The following RASGRP1 variants were observed in gnomAD, a reference collection of about 807,000 sequenced individuals.
RASGRP1 encodes the protein RAS guanyl releasing protein 1.
In RASGRP1, 37 loss-of-function variants were observed where a neutral mutation model predicts 95.1. The ratio of observed to expected loss-of-function variants is 0.39; its 90% CI spans 0.30 to 0.51. RASGRP1 has a LOEUF of 0.51. Ranked by LOEUF, RASGRP1 falls within the 20% of genes least tolerant of loss-of-function variation. RASGRP1 has a pLI of 0.80. For missense variants in RASGRP1, 711 were observed against 965.4 expected (o/e 0.74, Z 3.49); for synonymous variants, 325 against 353.4 (o/e 0.92, Z 0.90).
chr15:38,497,335 ACT>A (rs1454134709), intron 15 of RASGRP1, among the ~76,000 whole-genome samples: 7 of 151,022 alleles, frequency 4.6e-5, no homozygotes, highest in Admixed American at 1.3e-4. Context: ...GTCATTTAAG[ACT>A]CTCTAGACTG....
chr15:38,494,584 G>A lies in RASGRP1; in HGVS notation c.2057C>T (p.Pro686Leu). The change falls in exon 16 of 17, where the codon CCT (proline) becomes CTT (leucine). Residue 686 changes from proline to leucine, a missense_variant. This residue lies in a region of RASGRP1 where 212 missense variants were observed against 247.8 expected (regional missense o/e 0.86). Coordinates refer to ENST00000310803, the MANE Select transcript of RASGRP1 (RefSeq NM_005739.4). ...ESQPWIGSEGPSGPFVLSSPR... is the reference protein window; with the variant it reads ...ESQPWIGSEGLSGPFVLSSPR... ...GGAAGACAGCACAAAGGGACCTGAA[G>A]GGCCCTCACTGCCAATCCAAGGCTG... 1 of 1,564,416 alleles carries A rather than the reference G, an allele frequency of 6.4e-7. No homozygotes were observed. Among genetic ancestry groups the A allele is most frequent in the Non-Finnish European group, 8.6e-7 (1 of 1,158,106 alleles).
At chr15:38,494,977 CCT>C (rs1213021144) in intron 15 of RASGRP1, among the ~76,000 whole-genome samples, 4 of 152,164 alleles carry the variant, frequency 2.6e-5, no homozygotes, top group African/African-American at 7.2e-5. Context: ...CTACATCCAC[CCT>C]GAGAAAGAGC....
intron 2 of RASGRP1, among the ~76,000 whole-genome samples, chr15:38,539,456 G>A (rs1892779577): frequency 1.3e-5 from 2 of 151,956 alleles, no homozygotes; most frequent in Admixed American, 1.3e-4. Flanking sequence ...CCCACAGCTA[G>A]GAAGTAGCAA....
chr15:38,541,204 G>T (rs757661644), intron 2 of RASGRP1, among the ~76,000 whole-genome samples: 7 of 152,192 alleles, frequency 4.6e-5, no homozygotes, highest in Non-Finnish European at 8.8e-5. Flanking sequence ...GGTGGGTAGG[G>T]ACTGTATCCA....
intron 7 of RASGRP1, 112 bp from the exon 8 acceptor site, chr15:38,511,832 G>A (rs117875487): frequency 0.01 from 7,335 of 713,850 alleles, 77 homozygotes; most frequent in South Asian, 0.026. Context: ...GCTGGTTAAA[G>A]ACTAGTTACG....
rs1052547730 is a variant in RASGRP1 at position 38,517,183 on chromosome 15, A to G, written c.522-833T>C. Among the ~76,000 whole-genome samples, 85 of 152,186 alleles carry G rather than the reference A, an allele frequency of 5.6e-4. 1 individual carries two copies. Among genetic ancestry groups the G allele is most frequent in the Non-Finnish European group, 9.8e-4 (67 of 68,036 alleles). On this transcript the variant is annotated intron_variant, in intron 5 of 16. Coordinates refer to ENST00000310803, the MANE Select transcript of RASGRP1 (RefSeq NM_005739.4). ...TATTACACACTCTGAAAAGCACTGC[A>G]AAAGGAAAGTTTAACTCATTATTCC...
At chr15:38,538,882 G>T (rs1892759628) in intron 2 of RASGRP1, among the ~76,000 whole-genome samples, 1 of 152,180 alleles carries the variant, frequency 6.6e-6, no homozygotes, top group Admixed American at 6.5e-5. Context: ...TGGTTAACTT[G>T]TGGGTCCCAA....
chr15:38,557,750 T>C (rs1234004677), intron 2 of RASGRP1, among the ~76,000 whole-genome samples: 2 of 152,092 alleles, frequency 1.3e-5, no homozygotes, highest in Non-Finnish European at 2.9e-5. Flanking sequence ...TCAGATACAA[T>C]TAAGGGCTTA....
chr15:38,515,569 C>G (rs926541401), intron 6 of RASGRP1, among the ~76,000 whole-genome samples: 1 of 152,132 alleles, frequency 6.6e-6, no homozygotes, highest in Non-Finnish European at 1.5e-5. Context: ...CTCCCTTTGA[C>G]TCTGCTTAGT....
In RASGRP1 at chr15:38,498,893, T is replaced by TA; in HGVS notation, c.1773dup (p.Lys592Ter). The stretch of plus-strand genomic sequence containing the variant: ...GCTACTGGGTTCTTGGCTCGCTTCT[T>TA]ACACTCAAACACAACCAGATCTTTG... On this transcript the variant is annotated frameshift_variant, in exon 15 of 17. Coordinates refer to ENST00000310803, the MANE Select transcript of RASGRP1 (RefSeq NM_005739.4). LOFTEE classifies it high-confidence loss of function. 6.2e-7 allele frequency: 1 copy of TA among 1,613,996 alleles called. No homozygotes were observed. The highest frequency in any genetic ancestry group is 8.5e-7 in the Non-Finnish European group (1 of 1,179,876).
chr15:38,536,663 AC>A (rs1892659450), intron 2 of RASGRP1, among the ~76,000 whole-genome samples: 1 of 152,192 alleles, frequency 6.6e-6, no homozygotes, highest in Admixed American at 6.5e-5. Flanking sequence ...ATAATAGATA[AC>A]CTCATTCCAG....
intron 2 of RASGRP1, 133 bp from the exon 3 acceptor site, chr15:38,526,537 AG>A: frequency 3.2e-6 from 2 of 615,958 alleles, no homozygotes; most frequent in Middle Eastern, 4.0e-4. Context: ...CCCCTAGCAC[AG>A]CCCCCCTCTG....
At position 38,502,423 on chromosome 15, in the gene RASGRP1, T is replaced by C; in HGVS notation, c.1429-2A>G. On this transcript the variant is annotated splice_acceptor_variant, in intron 11 of 16. Transcript: ENST00000310803. LOFTEE classifies it high-confidence loss of function. ...GTGATCATAGTTCTTGAAGACAGAC[T>C]GTGAAAAAGGAGTTTTTTTGGTGAT... 1 of 1,565,928 alleles carries C rather than the reference T, an allele frequency of 6.4e-7. No homozygotes were observed. Among genetic ancestry groups the C allele is most frequent in the Non-Finnish European group, 8.8e-7 (1 of 1,138,078 alleles).
chr15:38,508,062 A>G (rs910135746), intron 8 of RASGRP1, 61 bp from the exon 9 acceptor site: 69 of 1,510,442 alleles, frequency 4.6e-5, no homozygotes, highest in Admixed American at 1.2e-4. Flanking sequence ...GTCTGTAATG[A>G]GGACCTTGCA....
At chr15:38,532,081 C>G in intron 2 of RASGRP1, among the ~76,000 whole-genome samples, 1 of 152,186 alleles carries the variant, frequency 6.6e-6, no homozygotes, top group Non-Finnish European at 1.5e-5. Flanking sequence ...CAAGGAAGAT[C>G]TACCTTCCAG....
intron 2 of RASGRP1, among the ~76,000 whole-genome samples, chr15:38,531,942 TCTTCTTC>T (rs1285878956): frequency 1.3e-5 from 2 of 152,118 alleles, no homozygotes; most frequent in Admixed American, 1.3e-4. Flanking sequence ...TACAGCATGC[TCTTCTTC>T]CTTTTTGAAC....
At chr15:38,541,010 G>A (rs754446462) in intron 2 of RASGRP1, among the ~76,000 whole-genome samples, 4 of 152,176 alleles carry the variant, frequency 2.6e-5, no homozygotes, top group Non-Finnish European at 4.4e-5. Context: ...GTTTGCTCCT[G>A]GGAGACTGCT....
intron 2 of RASGRP1, among the ~76,000 whole-genome samples, chr15:38,558,942 TG>T (rs936522702): frequency 2.6e-5 from 4 of 151,722 alleles, no homozygotes; most frequent in African/African-American, 9.7e-5. Flanking sequence ...GGGGTAGGCT[TG>T]GGGGGGTTGG....
At chr15:38,493,116 G>C (rs560241424) in intron 16 of RASGRP1, among the ~76,000 whole-genome samples, 1 of 150,806 alleles carries the variant, frequency 6.6e-6, no homozygotes, top group Non-Finnish European at 1.5e-5. Flanking sequence ...TCGTGACCTC[G>C]TGATCCGCCC....
Sources: allele counts gnomAD v4.1 joint callset (sites outside exome capture counted in the v4.1 genomes callset), GRCh38; gene constraint gnomAD v4.1.1; regional missense constraint gnomAD v4.1.1; transcripts MANE v1.5; gene names NCBI Gene and HGNC (gene_info 2026-07-23, HGNC 2026-07-21).